Variants in DENND1B observed in about 807,000 individuals in gnomAD.
DENND1B encodes the protein DENN domain containing 1B, also known as DENN domain-containing protein 1B.
In DENND1B, 59 loss-of-function variants were observed where a neutral mutation model predicts 90.1. The observed-to-expected ratio is 0.65, with a 90% CI of 0.53 to 0.81. The LOEUF is 0.81. Ranked by LOEUF, DENND1B falls within the 40% of genes least tolerant of loss-of-function variation. The pLI, the probability that DENND1B is intolerant of heterozygous loss-of-function variation, is 0.00. For missense variants in DENND1B, 862 were observed against 912.6 expected, an observed-to-expected ratio of 0.94 and a Z score of 0.71; for synonymous variants, 337 against 324.6, an observed-to-expected ratio of 1.04 and a Z score of -0.41.
At chr1:197,674,063 T>C (rs1165155517) in intron 4 of DENND1B, 57 bp downstream of exon 4, 46 of 1,211,706 alleles carry the variant, frequency 3.8e-5, no homozygotes, top group Non-Finnish European at 5.0e-5. Context: ...CATGTAATCA[T>C]TTTCAAGTAT....
chr1:197,775,301 GGCCCATGTCGGCT>G lies in DENND1B; in HGVS notation c.-159_-147del. ...GCTGCTCACAGCAGCCGTGGCGGCG[GGCCCATGTCGGCT>G]GCGCCCCCGGCACTTCCCCGCCTCC... is the stretch of plus-strand genomic sequence containing the variant. On this transcript the variant is annotated 5_prime_UTR_variant, in exon 1 of 23. It removes an upstream start codon present in the reference 5' UTR. Coordinates refer to ENST00000620048, the MANE Select transcript of DENND1B (RefSeq NM_001195215.2). The G allele has an allele frequency of 1.9e-6, 1 of 534,480 alleles. No individual in the cohort carries two copies. The highest frequency in any genetic ancestry group is 9.5e-5 in the South Asian group (1 of 10,538). The allele number at this position is 534,480 out of a possible 1,614,324, so 33.1% of individuals were successfully genotyped here. A position where few individuals can be genotyped will look rare whatever the true frequency, so the allele number is the denominator to read the frequency against.
chr1:197,529,224 ATATATATATATATATATATG>A (rs1193142444), intron 20 of DENND1B, among the ~76,000 whole-genome samples: 1 of 19,118 alleles, frequency 5.2e-5, no homozygotes, highest in East Asian at 3.1e-3. Flanking sequence ...ATATATATAT[ATATATATATATATATATATG>A]TGTGTGTGTG....
chr1:197,622,520 T>C (rs769827753), intron 10 of DENND1B, among the ~76,000 whole-genome samples: 11 of 151,480 alleles, frequency 7.3e-5, no homozygotes, highest in Non-Finnish European at 1.2e-4. Context: ...TTTATACTAA[T>C]TGTATAATAG....
At chr1:197,714,584 C>T (rs1660453266) in intron 3 of DENND1B, among the ~76,000 whole-genome samples, 1 of 151,990 alleles carries the variant, frequency 6.6e-6, no homozygotes, top group Non-Finnish European at 1.5e-5. Flanking sequence ...GATAATTCAA[C>T]TTCTATATGT....
chr1:197,537,809 G>C (rs1017505573), intron 20 of DENND1B, among the ~76,000 whole-genome samples: 141 of 151,788 alleles, frequency 9.3e-4, no homozygotes, highest in African/African-American at 3.2e-3. Context: ...TTTTTTTTAA[G>C]ATCTACTTTA....
At chr1:197,589,594 A>G (rs548307172) in intron 14 of DENND1B, among the ~76,000 whole-genome samples, 126 of 152,306 alleles carry the variant, frequency 8.3e-4, no homozygotes, top group Non-Finnish European at 1.6e-3. Context: ...AGATTTAGTG[A>G]ATGGCCTTTT....
chr1:197,514,758 G>A (rs1668282379), intron 20 of DENND1B, among the ~76,000 whole-genome samples: 1 of 151,516 alleles, frequency 6.6e-6, no homozygotes, highest in South Asian at 2.1e-4. Context: ...ACCAGTGGTA[G>A]CCCTTTCAAG....
intron 20 of DENND1B, 94 bp downstream of exon 20, chr1:197,539,870 A>G: frequency 9.4e-7 from 1 of 1,064,130 alleles, no homozygotes; most frequent in South Asian, 1.4e-5. Context: ...CATATAAGAT[A>G]AAAAATTAGT....
At chr1:197,609,969 T>C (rs191122846) in intron 12 of DENND1B, among the ~76,000 whole-genome samples, 269 of 150,808 alleles carry the variant, frequency 1.8e-3, no homozygotes, top group Non-Finnish European at 2.8e-3. Context: ...GAAATTTTAG[T>C]GAAAAAATCC....
intron 5 of DENND1B, among the ~76,000 whole-genome samples, chr1:197,665,384 CATT>C (rs1330240706): frequency 6.6e-6 from 1 of 152,100 alleles, no homozygotes; most frequent in Admixed American, 6.5e-5. Flanking sequence ...AGCTTTAAAG[CATT>C]ATATACAAAT....
At chr1:197,689,108 GC>G (rs1657577295) in intron 3 of DENND1B, 1 of 172,344 alleles carries the variant, frequency 5.8e-6, no homozygotes, top group Admixed American at 5.6e-5. Context: ...TTTTCACACT[GC>G]TGATAAAGAC....
intron 20 of DENND1B, among the ~76,000 whole-genome samples, chr1:197,513,759 A>G (rs1668203107): frequency 6.6e-6 from 1 of 151,512 alleles, no homozygotes. Context: ...CCAGAATCCC[A>G]ACAAAGTTAA....
chr1:197,519,810 T>TA (rs1447986760), intron 20 of DENND1B, among the ~76,000 whole-genome samples: 1 of 151,876 alleles, frequency 6.6e-6, no homozygotes, highest in Non-Finnish European at 1.5e-5. Context: ...GAATGAAAGG[T>TA]AACTATTGGT....
intron 20 of DENND1B, among the ~76,000 whole-genome samples, chr1:197,527,215 T>C (rs1475220083): frequency 1.3e-5 from 2 of 152,120 alleles, no homozygotes; most frequent in African/African-American, 2.4e-5. Context: ...GTGTTTTCAT[T>C]TAGGCAGTAT....
intron 5 of DENND1B, among the ~76,000 whole-genome samples, chr1:197,661,413 T>C (rs1488154942): frequency 6.6e-6 from 1 of 152,100 alleles, no homozygotes; most frequent in Non-Finnish European, 1.5e-5. Context: ...ACATTTCAAC[T>C]TTTAATAGCC....
chr1:197,754,684 A>AAAAAAAAC (rs1654045159), intron 2 of DENND1B, among the ~76,000 whole-genome samples: 2 of 136,146 alleles, frequency 1.5e-5, no homozygotes, highest in African/African-American at 5.4e-5. Flanking sequence ...AAAAAAAAAA[A>AAAAAAAAC]AAAACTGATA....
At chr1:197,626,924 C>A (rs1409583880) in intron 10 of DENND1B, among the ~76,000 whole-genome samples, 1 of 152,086 alleles carries the variant, frequency 6.6e-6, no homozygotes, top group South Asian at 2.1e-4. Flanking sequence ...ACTAGAAAAT[C>A]TAGAAGAAAT....
At chr1:197,574,540 C>A (rs535105175) in intron 15 of DENND1B, among the ~76,000 whole-genome samples, 2 of 152,064 alleles carry the variant, frequency 1.3e-5, no homozygotes, top group Non-Finnish European at 2.9e-5. Flanking sequence ...AGATTCAATG[C>A]CATCCCCATG....
At chr1:197,724,908 A>T (rs1317960342) in intron 2 of DENND1B, among the ~76,000 whole-genome samples, 1 of 152,070 alleles carries the variant, frequency 6.6e-6, no homozygotes, top group Non-Finnish European at 1.5e-5. Context: ...ATGATATTAA[A>T]ACAGATTGAG....
Sources: gnomAD v4.1 joint callset for allele counts (sites outside exome capture counted in the v4.1 genomes callset) on GRCh38, gnomAD v4.1.1 for gene constraint, MANE v1.5 for transcripts, NCBI Gene and HGNC (gene_info 2026-07-23, HGNC 2026-07-21) for gene names.